DECR1: variants seen among roughly 807,000 people sequenced by gnomAD.
The protein encoded by DECR1 is 2,4-dienoyl-CoA reductase [(3E)-enoyl-CoA-producing], mitochondrial.
In DECR1, 44 loss-of-function variants were observed where a neutral mutation model predicts 38.8. The ratio of observed to expected loss-of-function variants is 1.13; its 90% CI spans 0.89 to 1.46. The LOEUF (loss-of-function observed/expected upper bound fraction) is 1.46, where lower values mean the gene tolerates loss of function less well. Ranked by LOEUF, DECR1 falls within the 40% of genes most tolerant of loss-of-function variation. The probability of loss-of-function intolerance (pLI) is 0.00; values close to 1 mark genes in which losing one functional copy is unlikely to be tolerated. For missense variants in DECR1, 428 were observed against 405.5 expected (o/e 1.06, Z -0.48); for synonymous variants, 148 against 135.2 (o/e 1.09, Z -0.66).
chr8:90,045,081 C>T, intron 8 of DECR1, 86 bp downstream of exon 8: 1 of 1,218,778 alleles, frequency 8.2e-7, no homozygotes. Context: ...CCTGACAATG[C>T]TGAATGTAAA....
intron 5 of DECR1, among the ~76,000 whole-genome samples, chr8:90,032,860 A>G (rs575827100): frequency 5.9e-5 from 9 of 152,172 alleles, no homozygotes; most frequent in Non-Finnish European, 1.0e-4. Flanking sequence ...GCAACTTGCC[A>G]AATTATTAAT....
chr8:90,045,752 C>T (rs1020176165), intron 8 of DECR1, among the ~76,000 whole-genome samples: 10 of 152,174 alleles, frequency 6.6e-5, no homozygotes, highest in Admixed American at 1.3e-4. Context: ...GGCCCTTGAC[C>T]CCCGAGTAGC....
chr8:90,039,142 A>G (rs1286632219), intron 6 of DECR1, among the ~76,000 whole-genome samples: 2 of 152,172 alleles, frequency 1.3e-5, no homozygotes, highest in African/African-American at 4.8e-5. Flanking sequence ...TAAATAAGGC[A>G]TTATAGGTTC....
intron 5 of DECR1, among the ~76,000 whole-genome samples, chr8:90,034,973 G>T (rs1010315112): frequency 1.3e-5 from 2 of 151,692 alleles, no homozygotes; most frequent in African/African-American, 4.8e-5. Flanking sequence ...ATTTTTGAAG[G>T]GTATTTTTGA....
In DECR1 at chr8:90,052,730, A is replaced by G. The variant is rs1286282732; in HGVS notation, c.*833A>G. On this transcript the variant is annotated 3_prime_UTR_variant, in exon 10 of 10. Transcript: ENST00000220764. ...ATTAAATTTCATCTTTGGTTTGACT[A>G]ATTTGTCATCCTGAAAATCAAATAA... Among the ~76,000 whole-genome samples, 1 of 152,192 alleles carries G rather than the reference A, an allele frequency of 6.6e-6. No individual in the cohort carries two copies. The highest frequency in any genetic ancestry group is 1.5e-5 in the Non-Finnish European group (1 of 68,034).
intron 9 of DECR1, 41 bp downstream of exon 9, chr8:90,051,780 A>T (rs764388131): frequency 6.2e-7 from 1 of 1,611,864 alleles, no homozygotes; most frequent in Non-Finnish European, 8.5e-7. Context: ...AGCAGCTAGG[A>T]TACTAAGCTT....
intron 1 of DECR1, 126 bp from the exon 2 acceptor site, chr8:90,016,998 T>C (rs1030255195): frequency 1.4e-5 from 9 of 655,960 alleles, no homozygotes; most frequent in Non-Finnish European, 5.2e-6. Flanking sequence ...AATACCAATA[T>C]GTTTGCAGTG....
At chr8:90,045,092 T>A (rs778203292) in intron 8 of DECR1, 97 bp downstream of exon 8, 3 of 1,099,918 alleles carry the variant, frequency 2.7e-6, no homozygotes, top group South Asian at 2.6e-5. Context: ...TGAATGTAAA[T>A]ATCATTTAAA....
At chr8:90,041,905 A>T (rs1269378871) in intron 6 of DECR1, among the ~76,000 whole-genome samples, 1 of 151,938 alleles carries the variant, frequency 6.6e-6, no homozygotes, top group Non-Finnish European at 1.5e-5. Context: ...CATTTGCATT[A>T]TATGAATTCT....
chr8:90,004,031 T>G (rs1018092373), intron 1 of DECR1, among the ~76,000 whole-genome samples: 1 of 152,170 alleles, frequency 6.6e-6, no homozygotes, highest in African/African-American at 2.4e-5. Context: ...AAAAAAAAAT[T>G]TACCATTCTT....
chr8:90,042,614 C>A, intron 6 of DECR1, 114 bp from the exon 7 acceptor site: 2 of 823,556 alleles, frequency 2.4e-6, no homozygotes, highest in Non-Finnish European at 2.1e-6. Context: ...TAGTACCTAC[C>A]TGTTGGGGTT....
chr8:90,042,127 C>T (rs1813778163), intron 6 of DECR1, among the ~76,000 whole-genome samples: 1 of 152,036 alleles, frequency 6.6e-6, no homozygotes, highest in African/African-American at 2.4e-5. Context: ...TTCCTATTTC[C>T]TTTCAAGTTT....
intron 1 of DECR1, among the ~76,000 whole-genome samples, chr8:90,012,361 C>A (rs886102532): frequency 3.2e-4 from 49 of 152,014 alleles, no homozygotes; most frequent in Admixed American, 5.2e-4. Flanking sequence ...CCATGTTGGC[C>A]AGGTTGGTCT....
intron 8 of DECR1, among the ~76,000 whole-genome samples, chr8:90,049,277 C>A (rs1365344937): frequency 6.6e-6 from 1 of 152,112 alleles, no homozygotes; most frequent in Non-Finnish European, 1.5e-5. Flanking sequence ...ATTTAGAAAA[C>A]CCCATCATCT....
intron 5 of DECR1, among the ~76,000 whole-genome samples, chr8:90,032,070 C>T (rs1231009904): frequency 6.6e-6 from 1 of 151,960 alleles, no homozygotes; most frequent in Non-Finnish European, 1.5e-5. Flanking sequence ...CACAGAGTTG[C>T]TTGGCTGGTT....
intron 5 of DECR1, among the ~76,000 whole-genome samples, chr8:90,023,722 T>G: frequency 6.6e-6 from 1 of 152,132 alleles, no homozygotes; most frequent in East Asian, 1.9e-4. Context: ...CTGATAGCTT[T>G]TTTTTATTAT....
At position 90,001,489 on chromosome 8, in the gene DECR1, C is replaced by G. The variant is rs773345338; in HGVS notation, c.-4C>G. ...CCTTCCGGCCCGAGTTCTGGAGACT[C>G]AACATGAAGCTACCGGCCAGGGTTT... is the stretch of plus-strand genomic sequence containing the variant. On this transcript the variant is annotated 5_prime_UTR_variant, in exon 1 of 10. Coordinates refer to ENST00000220764, the MANE Select transcript of DECR1 (RefSeq NM_001359.2). 1.9e-6 allele frequency: 3 copies of G among 1,613,988 alleles called. No homozygotes were observed. The highest frequency in any genetic ancestry group is 2.2e-5 in the East Asian group (1 of 44,860).
chr8:90,044,365 T>G (rs1486775934), intron 7 of DECR1, among the ~76,000 whole-genome samples: 2 of 152,178 alleles, frequency 1.3e-5, no homozygotes, highest in Admixed American at 6.5e-5. Context: ...AGCAAATTGT[T>G]TGGCCAATTT....
chr8:90,010,996 A>G (rs1812869953), intron 1 of DECR1, among the ~76,000 whole-genome samples: 1 of 152,214 alleles, frequency 6.6e-6, no homozygotes, highest in Non-Finnish European at 1.5e-5. Flanking sequence ...ATAAAAGGAT[A>G]TGCAGTGACA....
Sources: allele counts gnomAD v4.1 joint callset (sites outside exome capture counted in the v4.1 genomes callset), GRCh38; gene constraint gnomAD v4.1.1; transcripts MANE v1.5; gene names NCBI Gene and HGNC (gene_info 2026-07-23, HGNC 2026-07-21).